Variants in SH3BGRL observed in about 807,000 individuals in gnomAD.
SH3BGRL encodes adapter SH3BGRL.
A neutral mutation model predicts 9.8 loss-of-function variants in SH3BGRL; 7 were observed. That is an observed-to-expected ratio of 0.72 (90% confidence interval 0.41 to 1.35). SH3BGRL has a LOEUF of 1.35. SH3BGRL is among the 40% of genes most tolerant of loss of function. SH3BGRL has a pLI of 0.01. For missense variants in SH3BGRL, 73 were observed against 84.4 expected (o/e 0.86, Z 0.53); for synonymous variants, 36 against 29.1 (o/e 1.24, Z -0.76).
chrX:81,242,114 A>T (rs1602607081), intron 1 of SH3BGRL, among the ~76,000 whole-genome samples: 1 of 112,655 alleles, frequency 8.9e-6, no homozygotes, highest in Admixed American at 9.3e-5. Flanking sequence ...TGCCAGCTAC[A>T]GAGTTTTCTA....
chrX:81,243,538 A>G lies in SH3BGRL; in HGVS notation c.46-33446A>G, dbSNP rs548963880. ...GTTAAATTTTAAAATAACTGAGTAT[A>G]ATTGTATTGTTTATAGCACAAAAGT... is the stretch of plus-strand genomic sequence containing the variant. On this transcript the variant is annotated intron_variant, in intron 1 of 3. Coordinates refer to ENST00000373212, the MANE Select transcript of SH3BGRL (RefSeq NM_003022.3). 1.1e-3 allele frequency among the ~76,000 whole-genome samples: 124 copies of G among 111,544 alleles called. 1 individual carries two copies. In the South Asian group the frequency reaches 0.046, roughly 41 times the overall value.
chrX:81,231,405 T>A (rs2075632540), intron 1 of SH3BGRL, among the ~76,000 whole-genome samples: 1 of 112,540 alleles, frequency 8.9e-6, no homozygotes, highest in African/African-American at 3.2e-5. Context: ...TTATTTATTT[T>A]CTCTATAATG....
intron 1 of SH3BGRL, among the ~76,000 whole-genome samples, chrX:81,270,586 C>A (rs1401627007): frequency 8.9e-6 from 1 of 112,017 alleles, no homozygotes; most frequent in African/African-American, 3.2e-5. Context: ...CTGCCAGATC[C>A]TTACTCTGGA....
intron 1 of SH3BGRL, among the ~76,000 whole-genome samples, chrX:81,258,076 A>G (rs1006456303): frequency 3.6e-5 from 4 of 111,288 alleles, no homozygotes; most frequent in Admixed American, 1.9e-4. Context: ...TAGTCTTTAA[A>G]AAATATACAC....
intron 1 of SH3BGRL, among the ~76,000 whole-genome samples, chrX:81,222,209 A>G (rs979970551): frequency 4.5e-5 from 5 of 111,055 alleles, no homozygotes; most frequent in Admixed American, 2.9e-4. Context: ...TTTAGGGTAC[A>G]TGTGCACAAC....
rs1186959942 is a variant in SH3BGRL, at chrX:81,237,031, A to C, written c.45+34786A>C. 2.4e-5 allele frequency: 19 copies of C among 802,414 alleles called. 1 individual carries two copies. The highest frequency in any genetic ancestry group is 2.9e-5 in the Non-Finnish European group (18 of 628,419). 66.1% of individuals were successfully genotyped at this position (802,414 alleles called of 1,213,427 possible). On this transcript the variant is annotated intron_variant, in intron 1 of 3. Transcript: ENST00000373212. ...ACAGTCTAAAGACTTGAAACCATGGAAATTAGATAGATTCCAGTGAAGGCT... is the reference window on the plus strand; with the variant it reads ...ACAGTCTAAAGACTTGAAACCATGGCAATTAGATAGATTCCAGTGAAGGCT...
At chrX:81,289,287 C>G (rs1569371538) in intron 3 of SH3BGRL, among the ~76,000 whole-genome samples, 1 of 111,916 alleles carries the variant, frequency 8.9e-6, no homozygotes, top group East Asian at 2.8e-4. Context: ...ACAATGAAGA[C>G]TTAAATCTAA....
intron 1 of SH3BGRL, among the ~76,000 whole-genome samples, chrX:81,243,724 T>A (rs1169620731): frequency 1.8e-5 from 2 of 110,984 alleles, no homozygotes; most frequent in South Asian, 3.8e-4. Flanking sequence ...TAAAAAAAAA[T>A]AAGTAAATTC....
intron 1 of SH3BGRL, among the ~76,000 whole-genome samples, chrX:81,233,640 C>T (rs892755095): frequency 9.1e-6 from 1 of 110,432 alleles, no homozygotes; most frequent in South Asian, 3.9e-4. Context: ...TATTGAGTGC[C>T]TTTTGGGTGC....
intron 1 of SH3BGRL, among the ~76,000 whole-genome samples, chrX:81,207,797 C>T (rs1472579129): frequency 9.0e-6 from 1 of 111,595 alleles, no homozygotes; most frequent in Non-Finnish European, 1.9e-5. Context: ...CAAATTGATG[C>T]TTAGTATTTG....
intron 3 of SH3BGRL, among the ~76,000 whole-genome samples, chrX:81,281,179 A>T (rs1007414510): frequency 2.7e-5 from 3 of 110,992 alleles, no homozygotes; most frequent in African/African-American, 9.8e-5. Context: ...AGATTATGTT[A>T]AACGACCAAA....
chrX:81,289,597 C>T (rs1449283025), intron 3 of SH3BGRL, among the ~76,000 whole-genome samples: 8 of 111,335 alleles, frequency 7.2e-5, no homozygotes, highest in Non-Finnish European at 5.7e-5. Context: ...GTGGCTTAGA[C>T]CTTTAATCCC....
At chrX:81,257,502 C>T (rs2075728881) in intron 1 of SH3BGRL, among the ~76,000 whole-genome samples, 1 of 111,828 alleles carries the variant, frequency 8.9e-6, no homozygotes, top group East Asian at 2.8e-4. Flanking sequence ...TCAGCAAGGA[C>T]TGACTTCTCA....
chrX:81,236,896 T>C (rs1410320835), intron 1 of SH3BGRL, among the ~76,000 whole-genome samples: 1 of 88,214 alleles, frequency 1.1e-5, no homozygotes, highest in Non-Finnish European at 2.3e-5. Flanking sequence ...AGAGAGAGGC[T>C]GAGGGAGAGA....
At chrX:81,288,578 A>T (rs2075845464) in intron 3 of SH3BGRL, among the ~76,000 whole-genome samples, 1 of 112,572 alleles carries the variant, frequency 8.9e-6, no homozygotes, top group Non-Finnish European at 1.9e-5. Flanking sequence ...TGATAAACAA[A>T]CTCAGTAAAG....
intron 3 of SH3BGRL, among the ~76,000 whole-genome samples, chrX:81,279,011 C>T (rs764115077): frequency 1.8e-5 from 2 of 112,257 alleles, no homozygotes; most frequent in South Asian, 7.4e-4. Flanking sequence ...TTTAAACATA[C>T]CTTTGCCTTT....
chrX:81,210,037 G>T (rs1445170886), intron 1 of SH3BGRL, among the ~76,000 whole-genome samples: 7 of 111,057 alleles, frequency 6.3e-5, no homozygotes, highest in Non-Finnish European at 1.3e-4. Context: ...GTAAACTCTG[G>T]TTTTAGACTC....
intron 1 of SH3BGRL, among the ~76,000 whole-genome samples, chrX:81,250,103 A>C (rs1222963156): frequency 1.8e-5 from 2 of 109,880 alleles, no homozygotes; most frequent in Non-Finnish European, 3.8e-5. Context: ...TTTCTTTCTT[A>C]AAAATAGTTT....
At chrX:81,214,333 T>C (rs1203840577) in intron 1 of SH3BGRL, among the ~76,000 whole-genome samples, 1 of 111,387 alleles carries the variant, frequency 9.0e-6, no homozygotes, top group Non-Finnish European at 1.9e-5. Context: ...GATGAGTATA[T>C]AGACTAATAT....
Sources: allele counts gnomAD v4.1 joint callset (sites outside exome capture counted in the v4.1 genomes callset), GRCh38; gene constraint gnomAD v4.1.1; transcripts MANE v1.5; gene names NCBI Gene and HGNC (gene_info 2026-07-23, HGNC 2026-07-21).